ST14: variants seen among roughly 807,000 people sequenced by gnomAD.
The protein encoded by ST14 is ST14 transmembrane serine protease matriptase, also known as suppressor of tumorigenicity 14 protein.
A neutral mutation model predicts 96.5 loss-of-function variants in ST14; 40 were observed. The ratio of observed to expected loss-of-function variants is 0.41; its 90% CI spans 0.32 to 0.54. The LOEUF (loss-of-function observed/expected upper bound fraction) is 0.54, where lower values mean the gene tolerates loss of function less well. ST14 is among the 20% of genes least tolerant of loss of function. The pLI is 0.17. For synonymous variants in ST14, 506 were observed against 492.1 expected (o/e 1.03, Z -0.37); for missense variants, 1,066 against 1,188.9 (o/e 0.90, Z 1.52).
At chr11:130,197,331 G>A (rs2324004) in intron 11 of ST14, among the ~76,000 whole-genome samples, 96,224 of 152,142 alleles carry the variant, frequency 0.63, 30,746 homozygotes, top group East Asian at 0.87. Context: ...TCTCCTTACA[G>A]CTTTGTCATC....
rs1279973089 is a variant in ST14, at chr11:130,195,851, TCAA to T, written c.1114-487_1114-485del. ...CTGGGTGACAGAGTGAGACTTTGTC[TCAA>T]AAAAAAAAAAAAAGAAAAGAGGCTG... is the stretch of plus-strand genomic sequence containing the variant. On this transcript the variant is annotated intron_variant, in intron 9 of 18. Coordinates refer to ENST00000278742, the MANE Select transcript of ST14 (RefSeq NM_021978.4). Among the ~76,000 whole-genome samples the T allele has an allele frequency of 2.5e-3, 357 of 142,602 alleles. 2 individuals carry two copies. The highest frequency in any genetic ancestry group is 3.1e-3 in the Admixed American group (44 of 14,362). The allele number at this position is 142,602 out of a possible 152,430, so 93.6% of individuals were successfully genotyped here.
intron 16 of ST14, among the ~76,000 whole-genome samples, chr11:130,205,274 G>A (rs1330105673): frequency 2.0e-5 from 3 of 152,050 alleles, no homozygotes; most frequent in Non-Finnish European, 4.4e-5. Context: ...CTACAGGTGT[G>A]CGCCACCTTG....
chr11:130,192,475 G>A (rs1953314274), intron 7 of ST14, among the ~76,000 whole-genome samples: 1 of 152,094 alleles, frequency 6.6e-6, no homozygotes, highest in Non-Finnish European at 1.5e-5. Context: ...CGCAACCTCC[G>A]CCTCCTGGGT....
At chr11:130,161,143 G>T (rs1952995853) in intron 1 of ST14, among the ~76,000 whole-genome samples, 1 of 152,178 alleles carries the variant, frequency 6.6e-6, no homozygotes, top group Admixed American at 6.5e-5. Flanking sequence ...AAAATCAGAC[G>T]CTGGGGCTTT....
intron 17 of ST14, among the ~76,000 whole-genome samples, chr11:130,208,954 C>T (rs1245801323): frequency 1.3e-5 from 2 of 152,024 alleles, no homozygotes; most frequent in Admixed American, 6.6e-5. Flanking sequence ...TGTGCATGCG[C>T]GTAATGAAGA....
intron 1 of ST14, among the ~76,000 whole-genome samples, chr11:130,163,261 G>A (rs1206643205): frequency 6.6e-6 from 1 of 152,138 alleles, no homozygotes; most frequent in Non-Finnish European, 1.5e-5. Flanking sequence ...GCCAGCAACA[G>A]AGACCTCTTC....
chr11:130,184,629 C>G (rs921699933), intron 1 of ST14, among the ~76,000 whole-genome samples: 6 of 152,108 alleles, frequency 3.9e-5, no homozygotes, highest in African/African-American at 9.7e-5. Flanking sequence ...AGAGGTGAGA[C>G]AAGAAAGGAC....
At chr11:130,184,722 A>C (rs971063221) in intron 1 of ST14, among the ~76,000 whole-genome samples, 3 of 152,146 alleles carry the variant, frequency 2.0e-5, no homozygotes, top group African/African-American at 4.8e-5. Flanking sequence ...GGATGGGAAA[A>C]ATAGTCTGGA....
chr11:130,178,515 A>C (rs898756492), intron 1 of ST14, among the ~76,000 whole-genome samples: 3 of 152,180 alleles, frequency 2.0e-5, no homozygotes, highest in African/African-American at 7.2e-5. Flanking sequence ...ACGGGACTTG[A>C]AACCTGCAGG....
intron 6 of ST14, 128 bp from the exon 7 acceptor site, chr11:130,190,326 G>A: frequency 6.6e-7 from 1 of 1,526,554 alleles, no homozygotes; most frequent in Non-Finnish European, 8.9e-7. Context: ...ATTTCCCGAG[G>A]CCCAGGGCAG....
At chr11:130,183,174 G>T (rs1398721216) in intron 1 of ST14, among the ~76,000 whole-genome samples, 3 of 151,772 alleles carry the variant, frequency 2.0e-5, no homozygotes, top group Non-Finnish European at 4.4e-5. Flanking sequence ...TGGCCAGGCT[G>T]GTCTTGACCT....
intron 1 of ST14, among the ~76,000 whole-genome samples, chr11:130,164,042 A>G (rs1953022909): frequency 6.6e-6 from 1 of 152,174 alleles, no homozygotes; most frequent in Admixed American, 6.5e-5. Context: ...GTGGCCCTCA[A>G]GTTCCCTGAT....
chr11:130,160,285 C>T (rs1321814571), intron 1 of ST14, among the ~76,000 whole-genome samples: 3 of 152,090 alleles, frequency 2.0e-5, no homozygotes, highest in Non-Finnish European at 4.4e-5. Flanking sequence ...GCGGGAAGCC[C>T]CTGGGCCTTC....
chr11:130,187,969 C>T lies in ST14; in HGVS notation c.82-145C>T. On this transcript the variant is annotated intron_variant, in intron 1 of 18. Coordinates refer to ENST00000278742, the MANE Select transcript of ST14 (RefSeq NM_021978.4). The surrounding 1 kb of genome is among the most constrained non-coding windows in gnomAD (Gnocchi z 4.5). ...TGCGCTCTGGGCAGTGGTCCCCATG[C>T]CTCTGGGGGAAGCCCCCTTCTTCTC... The T allele has an allele frequency of 8.7e-7, 1 of 1,146,150 alleles. No individual in the cohort carries two copies. Among genetic ancestry groups the T allele is most frequent in the Non-Finnish European group, 1.2e-6 (1 of 803,622 alleles). The allele number at this position is 1,146,150 out of a possible 1,614,324, so 71.0% of individuals were successfully genotyped here. A position where few individuals can be genotyped will look rare whatever the true frequency, so the allele number is the denominator to read the frequency against.
At position 130,190,624 on chromosome 11, in the gene ST14, G is replaced by A. The variant is rs754854348; in HGVS notation, c.805G>A (p.Asp269Asn). 3.1e-5 allele frequency: 50 copies of A among 1,611,940 alleles called. No individual in the cohort carries two copies. In the Middle Eastern group the frequency reaches 4.9e-4, roughly 16 times the overall value. ...TFRSFDLASC[D>N]ERGSDLVTVY... The stretch of plus-strand genomic sequence containing the variant: ...CCGCAGCTTTGACCTTGCGTCCTGC[G>A]ACGAGCGCGGCAGCGACCTGGTGAC... The change falls in exon 7 of 19, where the codon GAC (aspartate) becomes AAC (asparagine). Residue 269 changes from aspartate to asparagine, a missense_variant. Transcript: ENST00000278742.
intron 1 of ST14, among the ~76,000 whole-genome samples, chr11:130,169,540 T>A (rs1045935107): frequency 6.6e-6 from 1 of 152,142 alleles, no homozygotes; most frequent in Non-Finnish European, 1.5e-5. Flanking sequence ...GTTCAGAATG[T>A]TGACTGTGAT....
At chr11:130,207,657 C>T (rs1332843864) in intron 16 of ST14, among the ~76,000 whole-genome samples, 2 of 152,282 alleles carry the variant, frequency 1.3e-5, no homozygotes, top group Non-Finnish European at 1.5e-5. Flanking sequence ...GGCTCCGGCT[C>T]TGCAGTGCAC....
intron 1 of ST14, among the ~76,000 whole-genome samples, chr11:130,167,236 G>A (rs1351307622): frequency 6.6e-6 from 1 of 152,116 alleles, no homozygotes; most frequent in Non-Finnish European, 1.5e-5. Flanking sequence ...TAATAAAAAT[G>A]ACACAAATAC....
At chr11:130,172,608 G>T (rs1237709093) in intron 1 of ST14, among the ~76,000 whole-genome samples, 1 of 151,568 alleles carries the variant, frequency 6.6e-6, no homozygotes, top group Non-Finnish European at 1.5e-5. Context: ...TAGTAGAGAC[G>T]GGGTTTCACC....
Sources: allele counts gnomAD v4.1 joint callset (sites outside exome capture counted in the v4.1 genomes callset), GRCh38; gene constraint gnomAD v4.1.1; non-coding constraint Gnocchi (gnomAD v3.1); transcripts MANE v1.5; gene names NCBI Gene and HGNC (gene_info 2026-07-23, HGNC 2026-07-21).